Variants in IAH1 observed in about 807,000 individuals in gnomAD.
IAH1 encodes the protein isoamyl acetate hydrolyzing esterase 1 (putative), also known as isoamyl acetate-hydrolyzing esterase 1 homolog.
Under a neutral mutation model 26.7 loss-of-function variants are expected in IAH1, and 24 were observed. The ratio of observed to expected loss-of-function variants is 0.90; its 90% confidence interval spans 0.65 to 1.26. IAH1 has a LOEUF of 1.26. IAH1 is among the 50% of genes most tolerant of loss of function. The pLI, the probability that IAH1 is intolerant of heterozygous loss-of-function variation, is 0.00. For synonymous variants in IAH1, 140 were observed against 118.5 expected, an observed-to-expected ratio of 1.18 and a Z score of -1.18; for missense variants, 300 against 299.9, an observed-to-expected ratio of 1.00 and a Z score of 0.00.
At chr2:9,509,891 G>C in the IAH1 span, 1 of 1,514,270 alleles carries the variant, frequency 6.6e-7, no homozygotes, top group East Asian at 2.3e-5. Flanking sequence ...GAAACGCCTA[G>C]GAATGGAATA....
rs753337199 is a variant in IAH1, at chr2:9,474,617, C to G, written c.51C>G (p.Arg17=). The G allele has an allele frequency of 7.1e-6, 11 of 1,556,260 alleles. No individual in the cohort carries two copies. In the South Asian group the frequency reaches 1.3e-4, roughly 18 times the overall value. ...AGCGSALLWP[R]LLLFGDSITQ... Reference sequence around the variant, plus strand: ...GCGGGAGTGCCCTGCTCTGGCCTCGCTTGTTGCTCTTCGGGGACTCCATCA... The same window carrying G: ...GCGGGAGTGCCCTGCTCTGGCCTCGGTTGTTGCTCTTCGGGGACTCCATCA... The change falls in exon 1 of 6, where the codon CGC becomes CGG. Residue 17 remains arginine (R), a synonymous_variant. Transcript: ENST00000497473. The surrounding 1 kb of genome is among the most constrained non-coding windows in gnomAD (Gnocchi z 4.3).
downstream of IAH1, among the ~76,000 whole-genome samples, chr2:9,493,184 A>AT (rs1662300927): frequency 6.6e-6 from 1 of 152,210 alleles, no homozygotes; most frequent in Admixed American, 6.5e-5. Flanking sequence ...TAGCCCTCAT[A>AT]TACTGGCTGA....
Position 9,489,522 on chromosome 2 carries a change from A to G in IAH1, c.*1193A>G, listed in dbSNP as rs576015374. 6.6e-6 allele frequency: 1 copy of G among 152,532 alleles called. No homozygotes were observed. Among genetic ancestry groups the G allele is most frequent in the Admixed American group, 6.5e-5 (1 of 15,286 alleles). 9.4% of individuals were successfully genotyped at this position (152,532 alleles called of 1,614,324 possible). A position where few individuals can be genotyped will look rare whatever the true frequency, so the allele number is the denominator to read the frequency against. ...CCATAAATTCAACTGGCTACCATGTATAGCCCTCACTGTAAGGTAGGTGGT... is the reference window on the plus strand; with the variant it reads ...CCATAAATTCAACTGGCTACCATGTGTAGCCCTCACTGTAAGGTAGGTGGT... On this transcript the variant is annotated 3_prime_UTR_variant, in exon 6 of 6. Coordinates refer to ENST00000497473, the MANE Select transcript of IAH1 (RefSeq NM_001039613.3).
At chr2:9,493,041 G>A (rs1662290722), downstream of IAH1, 23 of 1,411,164 alleles carry the variant, frequency 1.6e-5, no homozygotes, top group Non-Finnish European at 2.3e-5. Context: ...CAAATCTAAA[G>A]TGAAATGCTC....
chr2:9,509,484 A>G, the IAH1 span, among the ~76,000 whole-genome samples: 5 of 152,306 alleles, frequency 3.3e-5, no homozygotes, highest in African/African-American at 1.2e-4. Context: ...TAGGCACTGG[A>G]GATAGAGCTA....
upstream of IAH1, chr2:9,474,538 G>GGCCCCGCCCC (rs561437641): frequency 3.3e-3 from 4,238 of 1,293,462 alleles, 104 homozygotes; most frequent in African/African-American, 0.054. The surrounding 1 kb of genome is among the most constrained non-coding windows in gnomAD (Gnocchi z 4.3). Context: ...CGTGGCTGGC[G>GGCCCCGCCCC]GCCCCGCCCC....
downstream of IAH1, chr2:9,497,144 C>T (rs1662671110): frequency 6.2e-7 from 1 of 1,614,176 alleles, no homozygotes; most frequent in Non-Finnish European, 8.5e-7. Context: ...AGCTGCTGTT[C>T]CCTCTCGCAG....
the IAH1 span, among the ~76,000 whole-genome samples, chr2:9,511,920 G>A: frequency 1.2e-3 from 182 of 152,150 alleles, no homozygotes; most frequent in African/African-American, 3.9e-3. Flanking sequence ...GCTGTGAGCC[G>A]AGATAGGCCA....
downstream of IAH1, among the ~76,000 whole-genome samples, chr2:9,492,501 A>C (rs1662238169): frequency 2.0e-5 from 3 of 152,242 alleles, no homozygotes; most frequent in Admixed American, 2.0e-4. Flanking sequence ...ATCTGCTGCC[A>C]ATAATCTACA....
the IAH1 span, among the ~76,000 whole-genome samples, chr2:9,503,901 T>G: frequency 6.7e-6 from 1 of 149,982 alleles, no homozygotes; most frequent in Non-Finnish European, 1.5e-5. Flanking sequence ...ACCTAGAATC[T>G]CCACACTTTA....
downstream of IAH1, among the ~76,000 whole-genome samples, chr2:9,494,242 G>C (rs1435448416): frequency 6.6e-6 from 1 of 152,180 alleles, no homozygotes; most frequent in African/African-American, 2.4e-5. Context: ...TCTGGCTTAA[G>C]TAAGTCAAGC....
At position 9,479,634 on chromosome 2, in the gene IAH1, A is replaced by G. The variant is rs576898365; in HGVS notation, c.283+1264A>G. ...AATACTTACAGCTGACACGCATGAA[A>G]TAAGATTGGAACTCTTACATTCCTG... On this transcript the variant is annotated intron_variant, in intron 3 of 5. Transcript: ENST00000497473. Among the ~76,000 whole-genome samples the G allele has an allele frequency of 3.3e-5, 5 of 152,242 alleles. No individual in the cohort carries two copies. In the South Asian group the frequency reaches 8.3e-4, roughly 25 times the overall value.
At chr2:9,507,755 T>G in the IAH1 span, among the ~76,000 whole-genome samples, 2 of 152,154 alleles carry the variant, frequency 1.3e-5, no homozygotes, top group Admixed American at 6.5e-5. Context: ...AGTCTCACTC[T>G]GTCATCCAGG....
chr2:9,502,933 GT>G, the IAH1 span, among the ~76,000 whole-genome samples: 1 of 149,882 alleles, frequency 6.7e-6, no homozygotes, highest in African/African-American at 2.5e-5. Context: ...GAGGTTAGGG[GT>G]TTGAGACCAG....
At chr2:9,495,646 G>C (rs1236561153) in intron 6 of IAH1, among the ~76,000 whole-genome samples, 7 of 151,414 alleles carry the variant, frequency 4.6e-5, no homozygotes, top group East Asian at 1.9e-4. Context: ...CCCGGGAGGC[G>C]GAGGCTGCGG....
At chr2:9,498,033 TTTTA>T (rs1420544713), downstream of IAH1, among the ~76,000 whole-genome samples, 2 of 152,198 alleles carry the variant, frequency 1.3e-5, no homozygotes, top group Non-Finnish European at 2.9e-5. Flanking sequence ...CAATTATTCT[TTTTA>T]TTTTTCTTTT....
chr2:9,501,428 C>T (rs1356712222), downstream of IAH1, among the ~76,000 whole-genome samples: 2 of 152,172 alleles, frequency 1.3e-5, no homozygotes, highest in Non-Finnish European at 2.9e-5. Flanking sequence ...TGACACTCCT[C>T]AGTACCCAGA....
chr2:9,493,560 C>T (rs559788325), downstream of IAH1, among the ~76,000 whole-genome samples: 1 of 152,314 alleles, frequency 6.6e-6, no homozygotes, highest in East Asian at 1.9e-4. Context: ...TGCATCCAAG[C>T]TCCACGGGGA....
downstream of IAH1, among the ~76,000 whole-genome samples, chr2:9,492,125 C>A (rs995693124): frequency 2.6e-5 from 4 of 152,216 alleles, no homozygotes; most frequent in Non-Finnish European, 5.9e-5. Flanking sequence ...GTAGGAAAAA[C>A]TCCTTTGTCA....
Sources: gnomAD v4.1 joint callset for allele counts (sites outside exome capture counted in the v4.1 genomes callset) on GRCh38, gnomAD v4.1.1 for gene constraint, Gnocchi (gnomAD v3.1) non-coding constraint, MANE v1.5 for transcripts, NCBI Gene and HGNC (gene_info 2026-07-23, HGNC 2026-07-21) for gene names.